Variants in CNTN4 observed in about 807,000 individuals in gnomAD.
The protein encoded by CNTN4 is contactin 4.
Under a neutral mutation model 122.5 loss-of-function variants are expected in CNTN4, and 77 were observed. The observed-to-expected ratio is 0.63, with a 90% CI of 0.52 to 0.76. CNTN4 has a LOEUF of 0.76. Ranked by LOEUF, CNTN4 falls within the 30% of genes least tolerant of loss-of-function variation. The pLI, the probability that CNTN4 is intolerant of heterozygous loss-of-function variation, is 0.00. For synonymous variants in CNTN4, 512 were observed against 447.0 expected (o/e 1.15, Z -1.83); for missense variants, 1,256 against 1,259.1 (o/e 1.00, Z 0.04).
At chr3:2,980,443 A>G (rs1232647709) in intron 13 of CNTN4, among the ~76,000 whole-genome samples, 2 of 152,212 alleles carry the variant, frequency 1.3e-5, no homozygotes, top group Admixed American at 6.5e-5. Context: ...ACTATTCATA[A>G]GTATTAGGAG....
intron 22 of CNTN4, 136 bp from the exon 23 acceptor site, chr3:3,043,456 T>A (rs575520855): frequency 2.6e-6 from 2 of 755,110 alleles, no homozygotes; most frequent in Non-Finnish European, 2.4e-6. Context: ...CATCAGATTT[T>A]AGTGACCTTG....
At chr3:2,860,488 C>T (rs2093660247) in intron 7 of CNTN4, among the ~76,000 whole-genome samples, 1 of 152,176 alleles carries the variant, frequency 6.6e-6, no homozygotes, top group African/African-American at 2.4e-5. Flanking sequence ...CAGAATATTC[C>T]TAATAGGGGT....
intron 7 of CNTN4, among the ~76,000 whole-genome samples, chr3:2,836,203 A>G (rs999647422): frequency 6.6e-6 from 1 of 152,198 alleles, no homozygotes; most frequent in Non-Finnish European, 1.5e-5. Context: ...TTATGGAAGG[A>G]ATTGAAAGTT....
In CNTN4 at chr3:2,641,587, T is replaced by C. The variant is rs1240366144; in HGVS notation, c.55+70029T>C. Among the ~76,000 whole-genome samples, 3 of 152,240 alleles carry C rather than the reference T, an allele frequency of 2.0e-5. No homozygotes were observed. In the East Asian group the frequency reaches 5.8e-4, roughly 29 times the overall value. ...TTATTGTCAACTGCTTCACATGGTC[T>C]GTTCAGTGGATGTGTTTGTGCACCA... On this transcript the variant is annotated intron_variant, in intron 4 of 24. Transcript: ENST00000418658.
chr3:2,493,814 C>T (rs1385401765), intron 3 of CNTN4, among the ~76,000 whole-genome samples: 2 of 152,064 alleles, frequency 1.3e-5, no homozygotes, highest in East Asian at 1.9e-4. Context: ...GGAAATGATT[C>T]GGCTGGGAAT....
intron 23 of CNTN4, among the ~76,000 whole-genome samples, chr3:3,053,437 C>T (rs1031308395): frequency 6.6e-6 from 1 of 152,170 alleles, no homozygotes; most frequent in Non-Finnish European, 1.5e-5. Context: ...GGCCTGTGAT[C>T]CCACAGTGGC....
chr3:2,925,139 C>A (rs2094461221), intron 12 of CNTN4, among the ~76,000 whole-genome samples: 1 of 152,136 alleles, frequency 6.6e-6, no homozygotes, highest in South Asian at 2.1e-4. Flanking sequence ...CACAAATGTA[C>A]CTTTTACCAA....
intron 7 of CNTN4, among the ~76,000 whole-genome samples, chr3:2,821,109 C>A: frequency 6.6e-6 from 1 of 151,532 alleles, no homozygotes; most frequent in East Asian, 1.9e-4. Flanking sequence ...TTACAGGCAC[C>A]CACCACCGTG....
chr3:2,751,570 G>T (rs1203899670), intron 6 of CNTN4, among the ~76,000 whole-genome samples: 1 of 152,076 alleles, frequency 6.6e-6, no homozygotes, highest in African/African-American at 2.4e-5. Flanking sequence ...CAGAAGATAA[G>T]GCCTAAAGAG....
At chr3:2,520,259 C>CTTTTTTTTTTTTTTTTTTTTTT (rs397988483) in intron 3 of CNTN4, among the ~76,000 whole-genome samples, 5 of 74,466 alleles carry the variant, frequency 6.7e-5, no homozygotes, top group African/African-American at 3.6e-4. Flanking sequence ...TGATTGCTTC[C>CTTTTTTTTTTTTTTTTTTTTTT]TTTTTTTTTT....
At position 2,331,755 on chromosome 3, in the gene CNTN4, T is replaced by C. The variant is rs369530967; in HGVS notation, c.-144-7423T>C. On this transcript the variant is annotated intron_variant, in intron 2 of 24. Transcript: ENST00000418658. Reference sequence around the variant, plus strand: ...ATTGGAACTCAGGCCACACAGGGGCTCAAGACCCCGAGTTTTGGGTTGAAT... The same window carrying C: ...ATTGGAACTCAGGCCACACAGGGGCCCAAGACCCCGAGTTTTGGGTTGAAT... Among the ~76,000 whole-genome samples the C allele has an allele frequency of 1.1e-3, 174 of 152,244 alleles. 1 individual carries two copies. Among genetic ancestry groups the C allele is most frequent in the African/African-American group, 3.9e-3 (164 of 41,554 alleles).
At chr3:2,856,338 G>T (rs928500368) in intron 7 of CNTN4, among the ~76,000 whole-genome samples, 1 of 152,180 alleles carries the variant, frequency 6.6e-6, no homozygotes, top group Non-Finnish European at 1.5e-5. Flanking sequence ...TTGTTGTTGA[G>T]GAGAGACCAC....
intron 2 of CNTN4, among the ~76,000 whole-genome samples, chr3:2,285,837 A>G (rs2041881281): frequency 6.6e-6 from 1 of 152,132 alleles, no homozygotes; most frequent in Non-Finnish European, 1.5e-5. Context: ...TGGTTTTATA[A>G]TATGAACATC....
intron 3 of CNTN4, among the ~76,000 whole-genome samples, chr3:2,493,555 G>T (rs528512417): frequency 1.3e-5 from 2 of 151,004 alleles, no homozygotes; most frequent in African/African-American, 4.9e-5. Context: ...AGTGATTTCT[G>T]CCACTATAGT....
At chr3:2,864,170 C>T (rs1304810191) in intron 7 of CNTN4, among the ~76,000 whole-genome samples, 1 of 152,196 alleles carries the variant, frequency 6.6e-6, no homozygotes, top group Non-Finnish European at 1.5e-5. Flanking sequence ...ATCGGTTGCT[C>T]ACCACTTACC....
At chr3:2,362,926 A>G (rs770662037) in intron 3 of CNTN4, among the ~76,000 whole-genome samples, 2 of 152,236 alleles carry the variant, frequency 1.3e-5, no homozygotes, top group Non-Finnish European at 2.9e-5. Flanking sequence ...TCTCACATAA[A>G]GCCTAAATAA....
At chr3:2,469,581 C>G (rs1357371905) in intron 3 of CNTN4, among the ~76,000 whole-genome samples, 1 of 152,172 alleles carries the variant, frequency 6.6e-6, no homozygotes, top group African/African-American at 2.4e-5. Context: ...TATTCTAACA[C>G]TGGGTCAACT....
At chr3:2,619,055 T>C (rs1309220827) in intron 4 of CNTN4, among the ~76,000 whole-genome samples, 3 of 152,216 alleles carry the variant, frequency 2.0e-5, no homozygotes, top group East Asian at 3.8e-4. Flanking sequence ...CAGTAGCACT[T>C]ATATTGCCTG....
intron 7 of CNTN4, among the ~76,000 whole-genome samples, chr3:2,843,216 G>A (rs1174046277): frequency 6.6e-6 from 1 of 152,098 alleles, no homozygotes; most frequent in South Asian, 2.1e-4. Context: ...TTCATCCAGT[G>A]GCTCAAGACT....
Sources: gnomAD v4.1 joint callset for allele counts (sites outside exome capture counted in the v4.1 genomes callset) on GRCh38, gnomAD v4.1.1 for gene constraint, MANE v1.5 for transcripts, NCBI Gene and HGNC (gene_info 2026-07-23, HGNC 2026-07-21) for gene names.